SLC9B1: variants seen among roughly 807,000 people sequenced by gnomAD.
SLC9B1 encodes the protein solute carrier family 9 member B1.
In SLC9B1, 32 loss-of-function variants were observed where a neutral mutation model predicts 51.7. That is an observed-to-expected ratio of 0.62 (90% CI 0.47 to 0.83). The LOEUF (loss-of-function observed/expected upper bound fraction) is 0.83. Ranked by LOEUF, SLC9B1 falls within the 40% of genes least tolerant of loss-of-function variation. SLC9B1 has a pLI of 0.00. For missense variants in SLC9B1, 406 were observed against 613.2 expected, an observed-to-expected ratio of 0.66 and a Z score of 3.57; for synonymous variants, 145 against 212.7, an observed-to-expected ratio of 0.68 and a Z score of 2.77.
intron 3 of SLC9B1, among the ~76,000 whole-genome samples, chr4:102,957,165 A>C (rs1477365235): frequency 6.6e-6 from 1 of 152,160 alleles, no homozygotes; most frequent in Non-Finnish European, 1.5e-5. Flanking sequence ...TAATAAACAG[A>C]TCCTCAGAAA....
At chr4:102,939,406 C>CAA (rs56014819) in intron 6 of SLC9B1, among the ~76,000 whole-genome samples, 2,667 of 68,062 alleles carry the variant, frequency 0.039, 66 homozygotes, top group African/African-American at 0.062. Flanking sequence ...GTCTCTGAGC[C>CAA]AAAAAAAAAA....
At chr4:102,898,354 A>G (rs552857092), downstream of SLC9B1, 11 of 270,080 alleles carry the variant, frequency 4.1e-5, no homozygotes, top group Admixed American at 3.9e-4. Flanking sequence ...AAATTTAAAA[A>G]GGAAACTTTG....
At chr4:102,921,040 A>C (rs1424999555) in intron 7 of SLC9B1, among the ~76,000 whole-genome samples, 2 of 152,238 alleles carry the variant, frequency 1.3e-5, no homozygotes, top group African/African-American at 2.4e-5. Flanking sequence ...GCCAACATTC[A>C]AATTCAGGAA....
At position 102,957,376 on chromosome 4, in the gene SLC9B1, C is replaced by T. The variant is rs534985810; in HGVS notation, c.212-7949G>A. 1.1e-4 allele frequency among the ~76,000 whole-genome samples: 16 copies of T among 152,250 alleles called. 1 individual carries two copies. The highest frequency in any genetic ancestry group is 3.9e-4 in the African/African-American group (16 of 41,546). On this transcript the variant is annotated intron_variant, in intron 3 of 11. Transcript: ENST00000296422. ...CAAAGAGATTCACACCTAGAGCCAT[C>T]ATAGTCAAATTGGTGAAAACCAAGG...
intron 1 of SLC9B1, among the ~76,000 whole-genome samples, chr4:103,002,718 T>C (rs1239863171): frequency 6.6e-6 from 1 of 152,236 alleles, no homozygotes; most frequent in Non-Finnish European, 1.5e-5. Context: ...AATAATGCTA[T>C]TCCATTGCCT....
At position 102,991,675 on chromosome 4, in the gene SLC9B1, C is replaced by A; in HGVS notation, c.37G>T (p.Asp13Tyr). 6.3e-7 allele frequency: 1 copy of A among 1,589,292 alleles called. No homozygotes were observed. ...GTTGTAGATGTTTGGAAGTTTTCAT[C>A]CTCCAAATGTTCATTTTTTGATTCT... ...TTESKNEHLE[D>Y]ENFQTSTTPQ... The change falls in exon 2 of 12, where the codon GAT becomes TAT. Residue 13 changes from aspartate (D) to tyrosine (Y), a missense_variant. Asp to Tyr is a radical substitution (Grantham distance 160). Around this residue, in one of 6 missense-constraint regions of SLC9B1, gnomAD observed 108 missense variants for 94.5 expected, o/e 1.14. Transcript: ENST00000296422.
intron 3 of SLC9B1, among the ~76,000 whole-genome samples, chr4:102,989,070 T>A (rs778167982): frequency 1.1e-4 from 16 of 151,990 alleles, no homozygotes; most frequent in Non-Finnish European, 4.4e-5. Flanking sequence ...AGGCCATCAA[T>A]ATACTGACGT....
intron 3 of SLC9B1, among the ~76,000 whole-genome samples, chr4:102,960,535 A>G (rs1271646847): frequency 6.6e-6 from 1 of 152,122 alleles, no homozygotes; most frequent in Non-Finnish European, 1.5e-5. Context: ...AGGTTTGTAC[A>G]TTTTAGGAAG....
chr4:102,891,874 A>C (rs1224208976), intron 11 of SLC9B1: 1 of 152,174 alleles, frequency 6.6e-6, no homozygotes, highest in Non-Finnish European at 1.5e-5. Context: ...TGACTCCCTC[A>C]ACATCCGGTT....
intron 1 of SLC9B1, among the ~76,000 whole-genome samples, chr4:103,015,532 C>A (rs1401823578): frequency 6.6e-6 from 1 of 152,144 alleles, no homozygotes; most frequent in East Asian, 1.9e-4. Context: ...TTGTCTTTTT[C>A]TTTCACTGTA....
rs1735296799 is a variant in SLC9B1 at position 102,910,678 on chromosome 4, A to T, written c.937-90T>A. 3 of 576,412 alleles carry T rather than the reference A, an allele frequency of 5.2e-6. No individual in the cohort carries two copies. The African/African-American group carries it at 5.9e-5, about 11-fold the overall frequency. 35.7% of individuals were successfully genotyped at this position (576,412 alleles called of 1,614,324 possible). A position where few individuals can be genotyped will look rare whatever the true frequency, so the allele number is the denominator to read the frequency against. ...TCTATTATATATTTTTGACCCTCTGATATTATGTCTTTAAATGTTATATTA... is the reference window on the plus strand; with the variant it reads ...TCTATTATATATTTTTGACCCTCTGTTATTATGTCTTTAAATGTTATATTA... On this transcript the variant is annotated intron_variant, in intron 8 of 11. Coordinates refer to ENST00000296422, the MANE Select transcript of SLC9B1 (RefSeq NM_139173.4).
In SLC9B1 at chr4:103,010,740, G is replaced by C. The variant is rs531161819; in HGVS notation, c.-2+8859C>G. Among the ~76,000 whole-genome samples, 3 of 152,268 alleles carry C rather than the reference G, an allele frequency of 2.0e-5. No individual in the cohort carries two copies. In the South Asian group the frequency reaches 6.2e-4, roughly 32 times the overall value. Reference sequence around the variant, plus strand: ...CAGAAGGGCGAAAAGGGGCTAGCTAGCTCCCTCCACTTATTTTATAAGGGC... The same window carrying C: ...CAGAAGGGCGAAAAGGGGCTAGCTACCTCCCTCCACTTATTTTATAAGGGC... On this transcript the variant is annotated intron_variant, in intron 1 of 11. Coordinates refer to ENST00000296422, the MANE Select transcript of SLC9B1 (RefSeq NM_139173.4).
intron 3 of SLC9B1, among the ~76,000 whole-genome samples, chr4:102,951,459 A>G (rs1223724728): frequency 6.6e-6 from 1 of 152,178 alleles, no homozygotes; most frequent in Admixed American, 6.6e-5. Flanking sequence ...TAGACACTAT[A>G]AAATATGTAT....
At chr4:102,899,703 C>T (rs1734702626), downstream of SLC9B1, among the ~76,000 whole-genome samples, 3 of 152,158 alleles carry the variant, frequency 2.0e-5, no homozygotes, top group Admixed American at 2.0e-4. Flanking sequence ...TGAGCCACAA[C>T]ACCCTGCTTA....
At chr4:102,970,877 A>G (rs1485068046) in intron 3 of SLC9B1, among the ~76,000 whole-genome samples, 2 of 152,208 alleles carry the variant, frequency 1.3e-5, no homozygotes, top group African/African-American at 2.4e-5. Flanking sequence ...AACAAAGATC[A>G]AAAGAGACAA....
At chr4:103,008,796 T>C (rs1217843885) in intron 1 of SLC9B1, among the ~76,000 whole-genome samples, 1 of 100,004 alleles carries the variant, frequency 1.0e-5, no homozygotes, top group Non-Finnish European at 2.0e-5. Context: ...TTTAACAGTT[T>C]CTTTTTTTTT....
intron 1 of SLC9B1, among the ~76,000 whole-genome samples, chr4:103,000,069 T>C (rs1025991587): frequency 6.6e-6 from 1 of 152,082 alleles, no homozygotes. Context: ...TTCACTGTCT[T>C]GAGAATAGGA....
At chr4:102,939,962 C>A (rs1736908459) in intron 6 of SLC9B1, among the ~76,000 whole-genome samples, 2 of 152,180 alleles carry the variant, frequency 1.3e-5, no homozygotes, top group Admixed American at 1.3e-4. Flanking sequence ...GATGCCCACT[C>A]TCACTACTCC....
At chr4:102,971,959 T>C (rs564816768) in intron 3 of SLC9B1, among the ~76,000 whole-genome samples, 1 of 152,090 alleles carries the variant, frequency 6.6e-6, no homozygotes, top group South Asian at 2.1e-4. Flanking sequence ...AATCCCTGAA[T>C]AGACCCATTA....
Sources: allele counts gnomAD v4.1 joint callset (sites outside exome capture counted in the v4.1 genomes callset), GRCh38; gene constraint gnomAD v4.1.1; regional missense constraint gnomAD v4.1.1; transcripts MANE v1.5; gene names NCBI Gene and HGNC (gene_info 2026-07-23, HGNC 2026-07-21).